WWOX: variants seen among roughly 807,000 people sequenced by gnomAD.
WWOX encodes the protein WW domain-containing oxidoreductase.
WWOX carries 69 observed loss-of-function variants against 46.2 expected under a neutral mutation model. The ratio of observed to expected loss-of-function variants is 1.49; its 90% CI spans 1.23 to 1.82. The LOEUF (loss-of-function observed/expected upper bound fraction) is 1.82. WWOX is among the 40% of genes most tolerant of loss of function. WWOX has a pLI of 0.00. For synonymous variants in WWOX, 359 were observed against 202.6 expected, an observed-to-expected ratio of 1.77 and a Z score of -6.56; for missense variants, 919 against 542.6, an observed-to-expected ratio of 1.69 and a Z score of -6.89.
chr16:78,463,070 C>T (rs1467819233), intron 8 of WWOX, among the ~76,000 whole-genome samples: 1 of 152,180 alleles, frequency 6.6e-6, no homozygotes, highest in Admixed American at 6.5e-5. Context: ...TTTGCTGAGG[C>T]AGGGGCAGGT....
At chr16:78,887,466 AAAAC>A (rs1318108917) in intron 8 of WWOX, among the ~76,000 whole-genome samples, 10 of 101,072 alleles carry the variant, frequency 9.9e-5, no homozygotes, top group Non-Finnish European at 1.8e-4. Flanking sequence ...CAAAGTATAT[AAAAC>A]ACACACACAC....
At chr16:78,772,642 C>G (rs1389752323) in intron 8 of WWOX, among the ~76,000 whole-genome samples, 2 of 152,188 alleles carry the variant, frequency 1.3e-5, no homozygotes, top group East Asian at 3.8e-4. Flanking sequence ...ATGGCTACTA[C>G]TAGCTAATTC....
At chr16:79,010,207 A>T (rs1045578042) in intron 8 of WWOX, among the ~76,000 whole-genome samples, 17 of 152,300 alleles carry the variant, frequency 1.1e-4, no homozygotes, top group African/African-American at 4.1e-4. Context: ...AGGCTTTCAC[A>T]AATGCTTACC....
intron 5 of WWOX, among the ~76,000 whole-genome samples, chr16:78,313,940 A>G (rs2080301914): frequency 6.6e-6 from 1 of 152,014 alleles, no homozygotes. Context: ...CTTCCCTTAT[A>G]TCCGTGCTGA....
chr16:78,597,823 CT>C (rs1419510326), intron 8 of WWOX, among the ~76,000 whole-genome samples: 2 of 149,924 alleles, frequency 1.3e-5, no homozygotes, highest in South Asian at 2.1e-4. Flanking sequence ...GCCCTCCCCA[CT>C]TTTTTTTTCT....
intron 8 of WWOX, among the ~76,000 whole-genome samples, chr16:79,145,272 A>G (rs1012707694): frequency 6.6e-6 from 1 of 152,228 alleles, no homozygotes. Context: ...TCAAATTCAG[A>G]AGTCGTGATA....
intron 5 of WWOX, among the ~76,000 whole-genome samples, chr16:78,297,661 A>T (rs1361236394): frequency 6.6e-6 from 1 of 152,120 alleles, no homozygotes; most frequent in Non-Finnish European, 1.5e-5. Flanking sequence ...ACTGTTGGAG[A>T]CGGAGCACCG....
chr16:78,769,181 G>C (rs2049999746), intron 8 of WWOX, among the ~76,000 whole-genome samples: 1 of 152,214 alleles, frequency 6.6e-6, no homozygotes, highest in Non-Finnish European at 1.5e-5. Flanking sequence ...TGTAAGGGCT[G>C]CAAAGAGATT....
At chr16:78,328,047 T>C (rs2080669389) in intron 5 of WWOX, among the ~76,000 whole-genome samples, 1 of 152,066 alleles carries the variant, frequency 6.6e-6, no homozygotes, top group East Asian at 1.9e-4. Flanking sequence ...GGCTAATTTG[T>C]ATTTTTAGTA....
At chr16:79,124,138 C>T (rs1489772262) in intron 8 of WWOX, among the ~76,000 whole-genome samples, 5 of 152,126 alleles carry the variant, frequency 3.3e-5, no homozygotes, top group African/African-American at 4.8e-5. Context: ...TTATAAACTT[C>T]GGATGGTGCC....
chr16:78,174,172 GA>G (rs1200529774), intron 5 of WWOX, among the ~76,000 whole-genome samples: 8 of 152,202 alleles, frequency 5.3e-5, no homozygotes, highest in African/African-American at 1.7e-4. Context: ...CGACTGGGAA[GA>G]AAAAGAGGTT....
intron 8 of WWOX, among the ~76,000 whole-genome samples, chr16:79,129,128 A>G (rs551601373): frequency 8.3e-4 from 126 of 152,212 alleles, no homozygotes; most frequent in Admixed American, 1.6e-3. Context: ...TAGTTATAAA[A>G]TGTTGCCTCC....
At chr16:78,963,221 C>G (rs1016480220) in intron 8 of WWOX, among the ~76,000 whole-genome samples, 1 of 152,162 alleles carries the variant, frequency 6.6e-6, no homozygotes, top group Non-Finnish European at 1.5e-5. Context: ...GTAATACCAG[C>G]ATTTTGAGAG....
Position 78,194,596 on chromosome 16 carries a change from A to C in WWOX, c.516+30307A>C, listed in dbSNP as rs935161501. Among the ~76,000 whole-genome samples the C allele has an allele frequency of 3.3e-5, 5 of 151,888 alleles. No individual in the cohort carries two copies. The South Asian group carries it at 1.0e-3, about 32-fold the overall frequency. ...GAGTGAGACTCCATCTCAAAAAAAA[A>C]AAAAAAAAAGATTTATGTCAAGAAT... On this transcript the variant is annotated intron_variant, in intron 5 of 8. Coordinates refer to ENST00000566780, the MANE Select transcript of WWOX (RefSeq NM_016373.4).
intron 8 of WWOX, among the ~76,000 whole-genome samples, chr16:78,954,803 T>C (rs1377540315): frequency 6.6e-6 from 1 of 152,150 alleles, no homozygotes; most frequent in East Asian, 1.9e-4. Flanking sequence ...ATTATTATGT[T>C]TTTTGAGACA....
intron 5 of WWOX, chr16:78,168,429 G>A (rs939979331): frequency 1.3e-5 from 2 of 151,472 alleles, no homozygotes; most frequent in Non-Finnish European, 2.9e-5. Flanking sequence ...CAAAAACCTG[G>A]TGTTTTTCTT....
rs962125778 is a variant in WWOX at position 78,349,643 on chromosome 16, G to C, written c.517-37217G>C. Reference sequence around the variant, plus strand: ...CCATGGATTGGTATGAGCCCTAATGGTGCACCCTTCCGACAATCCTTCATC... The same window carrying C: ...CCATGGATTGGTATGAGCCCTAATGCTGCACCCTTCCGACAATCCTTCATC... On this transcript the variant is annotated intron_variant, in intron 5 of 8. Transcript: ENST00000566780. 5.0e-5 allele frequency among the ~76,000 whole-genome samples: 6 copies of C among 120,156 alleles called. 1 individual carries two copies. Among genetic ancestry groups the C allele is most frequent in the South Asian group, 2.5e-4 (1 of 4,006 alleles). 78.8% of individuals were successfully genotyped at this position (120,156 alleles called of 152,430 possible).
chr16:78,973,716 G>C (rs537648046), intron 8 of WWOX, among the ~76,000 whole-genome samples: 4 of 152,146 alleles, frequency 2.6e-5, no homozygotes, highest in Non-Finnish European at 5.9e-5. Flanking sequence ...TTCAATTTGA[G>C]TAATTTGTTC....
chr16:78,104,678 A>G (rs1171496205), intron 1 of WWOX, among the ~76,000 whole-genome samples: 4 of 152,260 alleles, frequency 2.6e-5, no homozygotes, highest in Non-Finnish European at 4.4e-5. Context: ...AAAGGAGAAT[A>G]GGAGAATGCT....
Sources: gnomAD v4.1 joint callset for allele counts (sites outside exome capture counted in the v4.1 genomes callset) on GRCh38, gnomAD v4.1.1 for gene constraint, MANE v1.5 for transcripts, NCBI Gene and HGNC (gene_info 2026-07-23, HGNC 2026-07-21) for gene names.